Variants in CEP112 observed in about 807,000 individuals in gnomAD.
CEP112 encodes centrosomal protein 112, also known as centrosomal protein of 112 kDa.
CEP112 carries 127 observed loss-of-function variants against 153.0 expected under a neutral mutation model. The observed-to-expected ratio is 0.83, with a 90% CI of 0.72 to 0.96. The LOEUF is 0.96. Among genes scored for constraint, CEP112 ranks in the 40% least tolerant of loss-of-function variants. CEP112 has a pLI of 0.00. For missense variants in CEP112, 1,089 were observed against 1,101.2 expected (o/e 0.99, Z 0.16); for synonymous variants, 358 against 374.4 (o/e 0.96, Z 0.51).
intron 23 of CEP112, among the ~76,000 whole-genome samples, chr17:65,714,215 C>T (rs1354674603): frequency 6.6e-6 from 1 of 152,120 alleles, no homozygotes; most frequent in Non-Finnish European, 1.5e-5. Flanking sequence ...TATACATATA[C>T]ACGTGTGTAT....
intron 23 of CEP112, among the ~76,000 whole-genome samples, chr17:65,724,408 AC>A (rs2050060925): frequency 6.6e-6 from 1 of 152,232 alleles, no homozygotes; most frequent in East Asian, 1.9e-4. Context: ...TGCAGTAGCA[AC>A]AAGTCCCTTA....
At chr17:65,670,177 TG>T (rs202045440) in intron 24 of CEP112, among the ~76,000 whole-genome samples, 1 of 150,962 alleles carries the variant, frequency 6.6e-6, no homozygotes, top group African/African-American at 2.4e-5. Context: ...TTGTTGTTGT[TG>T]TTTTTTTTTT....
rs773272742 is a variant in CEP112 at position 65,743,143 on chromosome 17, C to T, written c.2532G>A (p.Arg844=). ...ACTTTTGTCTAACATCCTGGAGCCGCCTTTCTGCAGCAAGCTGCTGCTGGC... is the reference window on the plus strand; with the variant it reads ...ACTTTTGTCTAACATCCTGGAGCCGTCTTTCTGCAGCAAGCTGCTGCTGGC... ...ENSQQQLAAE[R]RLQDVRQKFE... is the part of the protein sequence containing the mutation. The change falls in exon 23 of 27, where the codon AGG becomes AGA. Residue 844 remains arginine, a synonymous_variant. Coordinates refer to ENST00000535342, the MANE Select transcript of CEP112 (RefSeq NM_001199165.4). The T allele has an allele frequency of 1.2e-6, 2 of 1,613,254 alleles. No individual in the cohort carries two copies. Among genetic ancestry groups the T allele is most frequent in the Non-Finnish European group, 1.7e-6 (2 of 1,179,624 alleles).
intron 20 of CEP112, among the ~76,000 whole-genome samples, chr17:65,889,356 C>T (rs2059388207): frequency 6.6e-6 from 1 of 152,204 alleles, no homozygotes; most frequent in South Asian, 2.1e-4. Context: ...TGTATAACCA[C>T]AATTCACAAC....
At chr17:65,694,923 A>C (rs1043079730) in intron 23 of CEP112, among the ~76,000 whole-genome samples, 13 of 152,248 alleles carry the variant, frequency 8.5e-5, no homozygotes, top group Non-Finnish European at 1.8e-4. Flanking sequence ...TGGGTCAAAA[A>C]TATGAAACAA....
intron 6 of CEP112, among the ~76,000 whole-genome samples, chr17:66,120,913 C>T (rs555383345): frequency 4.8e-4 from 73 of 152,230 alleles, no homozygotes; most frequent in Non-Finnish European, 9.4e-4. Context: ...CTTGTTCTTT[C>T]GCCAGTTTCT....
At chr17:65,640,059 A>G (rs2045027258) in intron 25 of CEP112, among the ~76,000 whole-genome samples, 1 of 149,286 alleles carries the variant, frequency 6.7e-6, no homozygotes, top group African/African-American at 2.5e-5. Flanking sequence ...GCTGGTCTCA[A>G]ATTCCTGATC....
intron 8 of CEP112, 135 bp downstream of exon 8, chr17:66,096,116 C>T (rs1208298640): frequency 3.4e-6 from 2 of 593,186 alleles, no homozygotes; most frequent in Non-Finnish European, 2.9e-6. Context: ...TACCATGCAT[C>T]ATGTTTTATA....
At chr17:66,151,429 T>TC (rs1426361415) in intron 4 of CEP112, among the ~76,000 whole-genome samples, 2 of 152,212 alleles carry the variant, frequency 1.3e-5, no homozygotes, top group African/African-American at 2.4e-5. Context: ...CTCCCAATTT[T>TC]CCCCAACTCC....
At chr17:65,665,191 AT>A (rs34157761) in intron 24 of CEP112, among the ~76,000 whole-genome samples, 12 of 152,024 alleles carry the variant, frequency 7.9e-5, no homozygotes, top group African/African-American at 2.7e-4. Flanking sequence ...CACACCAGAG[AT>A]TTTTTTCACC....
intron 4 of CEP112, among the ~76,000 whole-genome samples, chr17:66,157,939 GGA>G (rs2071521012): frequency 6.6e-6 from 1 of 151,988 alleles, no homozygotes; most frequent in Non-Finnish European, 1.5e-5. Flanking sequence ...AAGAATAGTG[GGA>G]GACTTTAACA....
chr17:65,744,115 T>A (rs543895100), intron 22 of CEP112, among the ~76,000 whole-genome samples: 1 of 152,072 alleles, frequency 6.6e-6, no homozygotes, highest in South Asian at 2.1e-4. Context: ...GACAAATACC[T>A]TACGTTGTTG....
At chr17:66,139,477 G>A (rs983266535) in intron 4 of CEP112, among the ~76,000 whole-genome samples, 1 of 152,056 alleles carries the variant, frequency 6.6e-6, no homozygotes, top group African/African-American at 2.4e-5. Context: ...TGGATGTGGT[G>A]GCACACACCT....
At chr17:65,926,080 C>T (rs370476066) in intron 19 of CEP112, among the ~76,000 whole-genome samples, 34 of 152,246 alleles carry the variant, frequency 2.2e-4, no homozygotes, top group African/African-American at 5.5e-4. Flanking sequence ...AGAGCACTGA[C>T]GACAAAATCT....
intron 19 of CEP112, among the ~76,000 whole-genome samples, chr17:65,924,448 G>T (rs2060848227): frequency 6.6e-6 from 1 of 151,756 alleles, no homozygotes; most frequent in African/African-American, 2.4e-5. Context: ...AGTTTTTTTG[G>T]AACAATAGAA....
intron 24 of CEP112, among the ~76,000 whole-genome samples, chr17:65,665,170 C>T (rs1421912805): frequency 6.6e-6 from 1 of 152,146 alleles, no homozygotes; most frequent in African/African-American, 2.4e-5. Context: ...AATTTTAATG[C>T]CTTTTATTTC....
intron 16 of CEP112, among the ~76,000 whole-genome samples, chr17:66,009,779 G>A (rs370751280): frequency 2.0e-5 from 3 of 152,062 alleles, no homozygotes; most frequent in South Asian, 2.1e-4. Context: ...TTGAAGGTAC[G>A]CAGCCTTATT....
intron 23 of CEP112, among the ~76,000 whole-genome samples, chr17:65,694,396 G>A (rs1008034908): frequency 5.3e-5 from 8 of 152,182 alleles, no homozygotes; most frequent in Non-Finnish European, 1.2e-4. Flanking sequence ...TTCACATAGT[G>A]AACAGACTAC....
At chr17:66,048,537 T>C (rs2066309765) in intron 12 of CEP112, among the ~76,000 whole-genome samples, 3 of 152,254 alleles carry the variant, frequency 2.0e-5, no homozygotes, top group African/African-American at 7.2e-5. Flanking sequence ...AAGTTTTTCA[T>C]AGAATATATA....
Sources: gnomAD v4.1 joint callset for allele counts (sites outside exome capture counted in the v4.1 genomes callset) on GRCh38, gnomAD v4.1.1 for gene constraint, MANE v1.5 for transcripts, NCBI Gene and HGNC (gene_info 2026-07-23, HGNC 2026-07-21) for gene names.